DPH6: variants seen among roughly 807,000 people sequenced by gnomAD.
DPH6 encodes diphthine--ammonia ligase.
In DPH6, 33 loss-of-function variants were observed where a neutral mutation model predicts 38.2. The observed-to-expected ratio is 0.86, with a 90% CI of 0.65 to 1.15. DPH6 has a LOEUF of 1.15. DPH6 is among the 50% of genes most tolerant of loss of function. The pLI is 0.00. For missense variants in DPH6, 325 were observed against 320.0 expected (o/e 1.02, Z -0.12); for synonymous variants, 108 against 103.0 (o/e 1.05, Z -0.30).
At chr15:35,267,712 C>A (rs16960739) in intron 3 of DPH6, among the ~76,000 whole-genome samples, 14,141 of 152,044 alleles carry the variant, frequency 0.093, 1,350 homozygotes, top group East Asian at 0.32. Context: ...ATTTGCCATC[C>A]CTTTTTGTGT....
the DPH6 span, among the ~76,000 whole-genome samples, chr15:35,156,650 T>C: frequency 6.6e-6 from 1 of 152,150 alleles, no homozygotes; most frequent in Non-Finnish European, 1.5e-5. Flanking sequence ...GACTCCGTTT[T>C]TGTCTTTGAT....
At chr15:35,419,021 C>T (rs985912490) in intron 5 of DPH6, among the ~76,000 whole-genome samples, 1 of 151,290 alleles carries the variant, frequency 6.6e-6, no homozygotes, top group African/African-American at 2.4e-5. Context: ...CCACTGGATA[C>T]AAGAACTGAA....
At chr15:35,499,936 G>A (rs1055870937) in intron 3 of DPH6, among the ~76,000 whole-genome samples, 4 of 152,146 alleles carry the variant, frequency 2.6e-5, no homozygotes, top group African/African-American at 4.8e-5. Flanking sequence ...GTTTGCTAAA[G>A]AAATCATCCA....
At chr15:35,542,949 T>TATATAATATATATTATTCCACTTAAGGA (rs2055280558) in intron 1 of DPH6, among the ~76,000 whole-genome samples, 1 of 104,086 alleles carries the variant, frequency 9.6e-6, no homozygotes, top group Non-Finnish European at 2.0e-5. Flanking sequence ...TTAAGGAATA[T>TATATAATATATATTATTCCACTTAAGGA]ATATATATAT....
intron 3 of DPH6, among the ~76,000 whole-genome samples, chr15:35,262,705 C>CAAAAAAAAAAAAAAAA (rs58580024): frequency 1.2e-4 from 10 of 82,624 alleles, no homozygotes; most frequent in African/African-American, 5.7e-4. Context: ...GACTCCGTCT[C>CAAAAAAAAAAAAAAAA]AAAAAAAAAA....
chr15:35,254,182 T>C (rs568880352), intron 3 of DPH6, among the ~76,000 whole-genome samples: 31 of 152,346 alleles, frequency 2.0e-4, no homozygotes, highest in Middle Eastern at 3.4e-3. Context: ...AAGAAACGAA[T>C]GCTATTAACA....
chr15:35,236,703 T>A (rs2051554627), intron 3 of DPH6, among the ~76,000 whole-genome samples: 1 of 152,146 alleles, frequency 6.6e-6, no homozygotes, highest in East Asian at 1.9e-4. Flanking sequence ...ATCTACTATT[T>A]ATATGTATCC....
At chr15:35,513,131 GTGTGTGCATCTA>G (rs1472617873) in intron 3 of DPH6, among the ~76,000 whole-genome samples, 7 of 152,058 alleles carry the variant, frequency 4.6e-5, no homozygotes, top group African/African-American at 1.7e-4. Context: ...CCACACACAG[GTGTGTGCATCTA>G]TGTGTGTATT....
intron 3 of DPH6, among the ~76,000 whole-genome samples, chr15:35,249,285 C>T (rs2051656087): frequency 6.6e-6 from 1 of 152,096 alleles, no homozygotes; most frequent in Admixed American, 6.6e-5. Context: ...CTGAAGAAAT[C>T]CTGTCATATA....
chr15:35,310,761 A>G (rs1269759603), intron 3 of DPH6, among the ~76,000 whole-genome samples: 1 of 152,062 alleles, frequency 6.6e-6, no homozygotes, highest in Non-Finnish European at 1.5e-5. Flanking sequence ...TGTTTAGATC[A>G]TAAATTGGCC....
intron 6 of DPH6, among the ~76,000 whole-genome samples, chr15:35,387,217 C>A (rs977226193): frequency 6.6e-6 from 1 of 152,098 alleles, no homozygotes; most frequent in African/African-American, 2.4e-5. Flanking sequence ...GTTTTGGTAC[C>A]AGTAGCATGC....
Position 35,298,744 on chromosome 15 carries a change from GCCC to G in DPH6, n.200+74774_200+74776del, listed in dbSNP as rs1212955159. On this transcript the variant is annotated intron_variant and non_coding_transcript_variant, in intron 3 of 3. Coordinates refer to the DPH6 transcript ENST00000560386. The stretch of plus-strand genomic sequence containing the variant: ...TCTGTATGATCTTGTGCGCCACCGT[GCCC>G]CCCAAGTTAGCGAGGAAGGAGTTGC... 178 of 1,553,514 alleles carry G rather than the reference GCCC, an allele frequency of 1.1e-4. 1 individual carries two copies. In the South Asian group the frequency reaches 1.9e-3, roughly 17 times the overall value.
At chr15:35,382,232 G>A (rs1364829816) in intron 6 of DPH6, among the ~76,000 whole-genome samples, 3 of 151,614 alleles carry the variant, frequency 2.0e-5, no homozygotes, top group Admixed American at 1.3e-4. Context: ...TCAGGAGATC[G>A]AGACCATCCT....
At chr15:35,382,979 C>T (rs1194033361) in intron 6 of DPH6, among the ~76,000 whole-genome samples, 3 of 152,148 alleles carry the variant, frequency 2.0e-5, no homozygotes, top group Admixed American at 1.3e-4. Flanking sequence ...ATATGTCTGG[C>T]ATCAGTGCTG....
At chr15:35,544,653 C>T (rs1034039695) in intron 1 of DPH6, among the ~76,000 whole-genome samples, 2 of 152,120 alleles carry the variant, frequency 1.3e-5, no homozygotes, top group African/African-American at 4.8e-5. Flanking sequence ...TAAATGCTTA[C>T]GTATTCATAC....
At chr15:35,464,708 T>A (rs2054107353) in intron 3 of DPH6, among the ~76,000 whole-genome samples, 1 of 152,206 alleles carries the variant, frequency 6.6e-6, no homozygotes, top group African/African-American at 2.4e-5. Flanking sequence ...ACCTAATATG[T>A]CATAGTCCTA....
At chr15:35,288,585 G>A (rs1250354303) in intron 3 of DPH6, among the ~76,000 whole-genome samples, 3 of 151,978 alleles carry the variant, frequency 2.0e-5, no homozygotes, top group Non-Finnish European at 2.9e-5. Flanking sequence ...TGCAACTGAT[G>A]CACATATCAC....
In DPH6 at chr15:35,371,771, A is replaced by G; in HGVS notation, c.*379T>C. The G allele has an allele frequency of 1.0e-6, 1 of 989,678 alleles. No individual in the cohort carries two copies. The highest frequency in any genetic ancestry group is 1.2e-6 in the Non-Finnish European group (1 of 832,996). The allele number at this position is 989,678 out of a possible 1,614,324, so 61.3% of individuals were successfully genotyped here. A position where few individuals can be genotyped will look rare whatever the true frequency, so the allele number is the denominator to read the frequency against. On this transcript the variant is annotated 3_prime_UTR_variant, in exon 9 of 9. Coordinates refer to ENST00000256538, the MANE Select transcript of DPH6 (RefSeq NM_080650.4). ...ACCATCTTTTCATCTTCATTTTCAA[A>G]TGCCTCTGCATCATGACATTATTGG...
chr15:35,212,672 T>G (rs1161926040), downstream of DPH6, among the ~76,000 whole-genome samples: 1 of 152,214 alleles, frequency 6.6e-6, no homozygotes, highest in Non-Finnish European at 1.5e-5. Context: ...AAATAGTACT[T>G]TTTATGATGA....
Sources: allele counts gnomAD v4.1 joint callset (sites outside exome capture counted in the v4.1 genomes callset), GRCh38; gene constraint gnomAD v4.1.1; transcripts MANE v1.5; gene names NCBI Gene and HGNC (gene_info 2026-07-23, HGNC 2026-07-21).